The following SHISA9 variants were observed in gnomAD, a reference collection of about 807,000 sequenced individuals.
SHISA9 encodes the protein protein shisa-9.
Under a neutral mutation model 38.0 loss-of-function variants are expected in SHISA9, and 13 were observed. The observed-to-expected ratio is 0.34, with a 90% confidence interval of 0.22 to 0.54. The LOEUF is 0.54. Among genes scored for constraint, SHISA9 ranks in the 20% least tolerant of loss-of-function variants. The pLI is 0.91. For missense variants in SHISA9, 538 were observed against 575.8 expected (o/e 0.93, Z 0.67); for synonymous variants, 275 against 242.0 (o/e 1.14, Z -1.27).
At chr16:13,127,278 G>A (rs2050268695) in intron 2 of SHISA9, among the ~76,000 whole-genome samples, 1 of 138,240 alleles carries the variant, frequency 7.2e-6, no homozygotes, top group South Asian at 2.6e-4. Context: ...GGGAGGGAGG[G>A]AGAGAAAGAG....
chr16:13,229,253 C>T (rs904429588), intron 4 of SHISA9, among the ~76,000 whole-genome samples: 2 of 152,184 alleles, frequency 1.3e-5, no homozygotes, highest in Non-Finnish European at 2.9e-5. Flanking sequence ...CATCTTGGAA[C>T]GCTAGTGAGT....
At chr16:13,279,558 G>T in the SHISA9 span, among the ~76,000 whole-genome samples, 3 of 151,824 alleles carry the variant, frequency 2.0e-5, no homozygotes, top group Non-Finnish European at 2.9e-5. Context: ...ATTGAGACTT[G>T]TATGGACCTG....
At chr16:13,107,468 AACAGACAC>A (rs764087849) in intron 2 of SHISA9, among the ~76,000 whole-genome samples, 139 of 97,992 alleles carry the variant, frequency 1.4e-3, no homozygotes, top group African/African-American at 5.1e-3. Context: ...ACAAAAAAAC[AACAGACAC>A]ACACACACAC....
intron 2 of SHISA9, among the ~76,000 whole-genome samples, chr16:13,137,824 TG>T (rs773029342): frequency 6.6e-5 from 10 of 152,182 alleles, no homozygotes; most frequent in Non-Finnish European, 1.3e-4. Context: ...TAACTATTCC[TG>T]GGCCCCAGTT....
the SHISA9 span, among the ~76,000 whole-genome samples, chr16:13,430,243 T>A: frequency 6.6e-6 from 1 of 152,230 alleles, no homozygotes; most frequent in African/African-American, 2.4e-5. Context: ...CCCTAACTGA[T>A]GAATACAGTC....
At chr16:13,538,316 C>T in the SHISA9 span, among the ~76,000 whole-genome samples, 5 of 152,276 alleles carry the variant, frequency 3.3e-5, no homozygotes, top group African/African-American at 1.2e-4. Flanking sequence ...ACTTTCTAGT[C>T]CCTGCCTCCT....
At chr16:13,085,796 C>A (rs1242461167) in intron 2 of SHISA9, among the ~76,000 whole-genome samples, 3 of 152,150 alleles carry the variant, frequency 2.0e-5, no homozygotes, top group African/African-American at 4.8e-5. Flanking sequence ...AAAGGAACCT[C>A]TGTTGAAGGT....
chr16:12,908,968 G>A, intron 1 of SHISA9: 1 of 998,166 alleles, frequency 1.0e-6, no homozygotes, highest in Non-Finnish European at 1.2e-6. Flanking sequence ...GGCACCCCTT[G>A]GAAAGAAATA....
chr16:13,189,386 AACATCGATGTTGCCATC>A (rs1396626375), intron 2 of SHISA9, among the ~76,000 whole-genome samples: 3 of 152,178 alleles, frequency 2.0e-5, no homozygotes, highest in Non-Finnish European at 2.9e-5. Flanking sequence ...TGACGGAAGA[AACATCGATGTTGCCATC>A]ACACAAACCT....
chr16:13,097,653 C>T (rs2073840993), intron 2 of SHISA9, among the ~76,000 whole-genome samples: 1 of 152,168 alleles, frequency 6.6e-6, no homozygotes. Flanking sequence ...ATTCTCCTGC[C>T]TTGGCCTCCC....
chr16:13,041,661 C>T (rs910641614), intron 2 of SHISA9, among the ~76,000 whole-genome samples: 3 of 152,210 alleles, frequency 2.0e-5, no homozygotes, highest in Non-Finnish European at 4.4e-5. Flanking sequence ...ATCTGATGAG[C>T]TGCATGCACA....
the SHISA9 span, among the ~76,000 whole-genome samples, chr16:13,276,985 T>C: frequency 0.099 from 15,069 of 152,186 alleles, 761 homozygotes; most frequent in South Asian, 0.18. Flanking sequence ...ATAAAATCCT[T>C]GCCTAAGCTA....
rs553748820 is a variant in SHISA9 at position 13,081,538 on chromosome 16, A to AT, written c.692-121843dup. Among the ~76,000 whole-genome samples the AT allele has an allele frequency of 4.8e-3, 697 of 146,076 alleles. 6 individuals carry two copies. Among genetic ancestry groups the AT allele is most frequent in the African/African-American group, 0.013 (537 of 39,902 alleles). On this transcript the variant is annotated intron_variant, in intron 2 of 4. Coordinates refer to ENST00000558583, the MANE Select transcript of SHISA9 (RefSeq NM_001145204.3). Reference sequence around the variant, plus strand: ...AGACATTGTGGCAAGCCTTCAAGGTATTTTTTTTTTTTTGATCCGAGGTAG... The same window carrying AT: ...AGACATTGTGGCAAGCCTTCAAGGTATTTTTTTTTTTTTTGATCCGAGGTAG...
At chr16:13,068,978 T>C (rs2073470335) in intron 2 of SHISA9, among the ~76,000 whole-genome samples, 1 of 152,008 alleles carries the variant, frequency 6.6e-6, no homozygotes, top group South Asian at 2.1e-4. Flanking sequence ...TATGTATATA[T>C]GTGTGTACAT....
intron 2 of SHISA9, among the ~76,000 whole-genome samples, chr16:13,107,638 T>C (rs2141963442): frequency 6.6e-6 from 1 of 152,180 alleles, no homozygotes; most frequent in Non-Finnish European, 1.5e-5. Context: ...TGAGGCTTAG[T>C]AATTTCATTA....
the SHISA9 span, among the ~76,000 whole-genome samples, chr16:13,256,339 T>C: frequency 2.3e-4 from 35 of 152,348 alleles, no homozygotes; most frequent in African/African-American, 8.2e-4. Flanking sequence ...TGGAGTGCAA[T>C]GGTGCCACCT....
intron 2 of SHISA9, among the ~76,000 whole-genome samples, chr16:13,001,968 T>G (rs78860010): frequency 5.9e-5 from 9 of 152,198 alleles, no homozygotes; most frequent in African/African-American, 2.2e-4. Flanking sequence ...ATCTTTCCAC[T>G]GTTATATATG....
At chr16:12,958,844 C>G (rs1260317592) in intron 2 of SHISA9, among the ~76,000 whole-genome samples, 1 of 152,124 alleles carries the variant, frequency 6.6e-6, no homozygotes, top group Non-Finnish European at 1.5e-5. Context: ...TGCTGCATAA[C>G]AAATACTCCC....
the SHISA9 span, among the ~76,000 whole-genome samples, chr16:13,384,943 T>A: frequency 6.6e-6 from 1 of 152,170 alleles, no homozygotes; most frequent in Non-Finnish European, 1.5e-5. Context: ...AAGTAGTATC[T>A]GTAATCCATA....
Sources: gnomAD v4.1 joint callset for allele counts (sites outside exome capture counted in the v4.1 genomes callset) on GRCh38, gnomAD v4.1.1 for gene constraint, MANE v1.5 for transcripts, NCBI Gene and HGNC (gene_info 2026-07-23, HGNC 2026-07-21) for gene names.